Variants in CLOCK observed in about 807,000 individuals in gnomAD.
CLOCK encodes the protein clock circadian regulator, also known as circadian locomoter output cycles protein kaput.
Under a neutral mutation model 118.4 loss-of-function variants are expected in CLOCK, and 43 were observed. That is an observed-to-expected ratio of 0.36 (90% CI 0.28 to 0.47). CLOCK has a LOEUF of 0.47. Among genes scored for constraint, CLOCK ranks in the 20% least tolerant of loss-of-function variants. CLOCK has a pLI of 1.00. For missense variants in CLOCK, 846 were observed against 999.9 expected (o/e 0.85, Z 2.08); for synonymous variants, 326 against 339.2 (o/e 0.96, Z 0.43).
At chr4:55,501,510 TAGGC>T in intron 2 of CLOCK, 1 of 147,264 alleles carries the variant, frequency 6.8e-6, no homozygotes, top group Non-Finnish European at 1.5e-5. Flanking sequence ...CTCAAACTCC[TAGGC>T]TCAAGTGGCC....
Position 55,445,582 on chromosome 4 carries a change from C to CTT in CLOCK, c.1540-799_1540-798dup, listed in dbSNP as rs56157186. ...TCTCTGCATCTGCTATTTCTATATT[C>CTT]TTTTTTTTTTTTTTTTTTTTTTTTT... is the stretch of plus-strand genomic sequence containing the variant. On this transcript the variant is annotated intron_variant, in intron 18 of 22. Coordinates refer to ENST00000513440, the MANE Select transcript of CLOCK (RefSeq NM_004898.4). Among the ~76,000 whole-genome samples the CTT allele has an allele frequency of 8.6e-3, 590 of 68,582 alleles. 107 individuals are homozygous for CTT. The highest frequency in any genetic ancestry group is 0.024 in the Admixed American group (115 of 4,852). The allele number at this position is 68,582 out of a possible 152,430, so 45.0% of individuals were successfully genotyped here.
intron 8 of CLOCK, among the ~76,000 whole-genome samples, chr4:55,467,729 A>G (rs1429767452): frequency 6.6e-6 from 1 of 152,228 alleles, no homozygotes; most frequent in Non-Finnish European, 1.5e-5. Flanking sequence ...TAAGTTGTCC[A>G]GAAAACTCAG....
chr4:55,455,533 C>T (rs184702066), intron 13 of CLOCK, among the ~76,000 whole-genome samples: 143 of 152,252 alleles, frequency 9.4e-4, no homozygotes, highest in South Asian at 1.5e-3. Context: ...AGACATGTAC[C>T]TAGCTCCTGA....
intron 1 of CLOCK, among the ~76,000 whole-genome samples, chr4:55,516,473 T>C (rs1029686253): frequency 6.6e-6 from 1 of 152,242 alleles, no homozygotes; most frequent in African/African-American, 2.4e-5. Context: ...TCCGGATAAC[T>C]TCCTTGCTCT....
chr4:55,463,529 A>G (rs775897358), intron 9 of CLOCK, among the ~76,000 whole-genome samples, 156 bp downstream of exon 9: 1 of 152,116 alleles, frequency 6.6e-6, no homozygotes, highest in Non-Finnish European at 1.5e-5. Context: ...TATGGTCACA[A>G]TTTCATTTTA....
intron 1 of CLOCK, among the ~76,000 whole-genome samples, chr4:55,538,533 A>T (rs1457485835): frequency 6.6e-6 from 1 of 152,332 alleles, no homozygotes; most frequent in Admixed American, 6.5e-5. Context: ...ATATCCAAAC[A>T]GAGAAAAAAA....
chr4:55,514,848 T>C (rs1330699769), intron 1 of CLOCK, among the ~76,000 whole-genome samples: 1 of 152,194 alleles, frequency 6.6e-6, no homozygotes, highest in Non-Finnish European at 1.5e-5. Context: ...TTTCTTTTCT[T>C]GCAATATCTT....
rs1722347439 is a variant in CLOCK, at chr4:55,428,861, CAT to C, written c.*6552_*6553del. The C allele has an allele frequency of 2.0e-5, 3 of 148,772 alleles. No individual in the cohort carries two copies. In the South Asian group the frequency reaches 6.3e-4, roughly 31 times the overall value. 9.2% of individuals were successfully genotyped at this position (148,772 alleles called of 1,614,324 possible). A position where few individuals can be genotyped will look rare whatever the true frequency, so the allele number is the denominator to read the frequency against. ...ACTCATCTTTGGGCTTCAATCTTTA[CAT>C]AGAGTGAATATGAAAATGCCATACT... is the stretch of plus-strand genomic sequence containing the variant. On this transcript the variant is annotated 3_prime_UTR_variant, in exon 23 of 23. Coordinates refer to ENST00000513440, the MANE Select transcript of CLOCK (RefSeq NM_004898.4).
intron 13 of CLOCK, among the ~76,000 whole-genome samples, chr4:55,455,598 A>C (rs2109785456): frequency 6.6e-6 from 1 of 152,340 alleles, no homozygotes; most frequent in East Asian, 1.9e-4. Context: ...CAAAAGTTTG[A>C]AGTATTACAA....
At chr4:55,445,579 A>ATTTTTTTTTTTTTTT (rs1191320465) in intron 18 of CLOCK, among the ~76,000 whole-genome samples, 1 of 65,516 alleles carries the variant, frequency 1.5e-5, no homozygotes, top group African/African-American at 5.3e-5. Context: ...CTATTTCTAT[A>ATTTTTTTTTTTTTTT]TTCTTTTTTT....
intron 3 of CLOCK, among the ~76,000 whole-genome samples, chr4:55,484,534 T>C (rs6858803): frequency 0.34 from 51,389 of 152,006 alleles, 9,388 homozygotes; most frequent in East Asian, 0.58. Context: ...CTAAGTACAT[T>C]TCTCTGGTCC....
chr4:55,438,612 ACTT>A, intron 21 of CLOCK, 75 bp from the exon 22 acceptor site: 1 of 1,605,356 alleles, frequency 6.2e-7, no homozygotes. Context: ...TGGAGTAAAT[ACTT>A]ACCTAAGATA....
chr4:55,496,086 G>A (rs1728058589), intron 2 of CLOCK, among the ~76,000 whole-genome samples: 1 of 152,054 alleles, frequency 6.6e-6, no homozygotes, highest in Admixed American at 6.5e-5. Flanking sequence ...CTACTTGGGA[G>A]GCTAAGGCAG....
At chr4:55,499,203 T>C (rs1314556282) in intron 2 of CLOCK, among the ~76,000 whole-genome samples, 2 of 152,168 alleles carry the variant, frequency 1.3e-5, no homozygotes, top group Non-Finnish European at 2.9e-5. Flanking sequence ...CCTTTAAAAA[T>C]GGTCAGATTT....
Position 55,495,890 on chromosome 4 carries a change from T to A in CLOCK, c.-135-6425A>T, listed in dbSNP as rs78750339. ...AAAGACAAAAAACACAAACTTTTTT[T>A]AAAAAAACAAAAAAACTGCTGGGCG... On this transcript the variant is annotated intron_variant, in intron 2 of 22. Transcript: ENST00000513440. 1.2e-3 allele frequency among the ~76,000 whole-genome samples: 152 copies of A among 124,916 alleles called. 2 individuals carry two copies. The East Asian group carries it at 0.039, about 32-fold the overall frequency. 81.9% of individuals were successfully genotyped at this position (124,916 alleles called of 152,430 possible).
At chr4:55,473,177 T>C (rs896933722) in intron 7 of CLOCK, among the ~76,000 whole-genome samples, 4 of 151,874 alleles carry the variant, frequency 2.6e-5, no homozygotes, top group Admixed American at 2.6e-4. Context: ...GTGGGCAGAT[T>C]GTGCCACTGC....
intron 2 of CLOCK, among the ~76,000 whole-genome samples, chr4:55,509,396 T>C (rs1367025752): frequency 6.6e-6 from 1 of 152,236 alleles, no homozygotes; most frequent in Non-Finnish European, 1.5e-5. Flanking sequence ...CGAGATTTTT[T>C]TTCAACCATT....
chr4:55,506,086 GC>G (rs1467267679), intron 2 of CLOCK, among the ~76,000 whole-genome samples: 2 of 151,900 alleles, frequency 1.3e-5, no homozygotes, highest in African/African-American at 4.8e-5. Context: ...TTTTAGTTGA[GC>G]AAAAACTGCC....
chr4:55,450,983 T>C (rs1417817782), intron 15 of CLOCK, among the ~76,000 whole-genome samples: 1 of 152,002 alleles, frequency 6.6e-6, no homozygotes, highest in Non-Finnish European at 1.5e-5. Flanking sequence ...CCAATGTTTC[T>C]TTCTCCATCA....
Sources: allele counts gnomAD v4.1 joint callset (sites outside exome capture counted in the v4.1 genomes callset), GRCh38; gene constraint gnomAD v4.1.1; transcripts MANE v1.5; gene names NCBI Gene and HGNC (gene_info 2026-07-23, HGNC 2026-07-21).